PDE1C: variants seen among roughly 807,000 people sequenced by gnomAD.
The protein encoded by PDE1C is phosphodiesterase 1C, also known as dual specificity calcium/calmodulin-dependent 3',5'-cyclic nucleotide phosphodiesterase 1C.
In PDE1C, 62 loss-of-function variants were observed where a neutral mutation model predicts 93.1. The ratio of observed to expected loss-of-function variants is 0.67; its 90% confidence interval spans 0.54 to 0.82. PDE1C has a LOEUF of 0.82. PDE1C is among the 40% of genes least tolerant of loss of function. PDE1C has a pLI of 0.00. For synonymous variants in PDE1C, 325 were observed against 310.1 expected, an observed-to-expected ratio of 1.05 and a Z score of -0.50; for missense variants, 742 against 884.6, an observed-to-expected ratio of 0.84 and a Z score of 2.04.
chr7:31,898,018 CTTTGTGTGTG>C (rs1432728453), intron 2 of PDE1C, among the ~76,000 whole-genome samples: 2 of 122,914 alleles, frequency 1.6e-5, no homozygotes, highest in Admixed American at 1.7e-4. Flanking sequence ...GGTTTGGTTT[CTTTGTGTGTG>C]TGTGTGTGTG....
At chr7:31,642,597 C>T in the PDE1C span, 3 of 1,232,848 alleles carry the variant, frequency 2.4e-6, no homozygotes, top group Non-Finnish European at 3.4e-6. Flanking sequence ...ACTCCTAAGG[C>T]AATGACAAGA....
chr7:32,128,964 TA>T (rs1383099629), intron 3 of PDE1C, among the ~76,000 whole-genome samples: 2 of 97,276 alleles, frequency 2.1e-5, no homozygotes, highest in African/African-American at 7.7e-5. Flanking sequence ...AAGAAAAATC[TA>T]AAAAAAACAG....
At chr7:32,175,820 T>C (rs868474347) in intron 2 of PDE1C, among the ~76,000 whole-genome samples, 1 of 152,232 alleles carries the variant, frequency 6.6e-6, no homozygotes, top group Non-Finnish European at 1.5e-5. Context: ...TACTTTACAA[T>C]ACTGTAAATT....
chr7:31,640,688 C>T, the PDE1C span, among the ~76,000 whole-genome samples: 2 of 149,704 alleles, frequency 1.3e-5, no homozygotes, highest in Non-Finnish European at 3.0e-5. Context: ...TCAGTTGGTT[C>T]GGGTAGGAGG....
chr7:31,896,745 A>G (rs1035590643), intron 2 of PDE1C, among the ~76,000 whole-genome samples: 2 of 152,236 alleles, frequency 1.3e-5, no homozygotes, highest in African/African-American at 4.8e-5. Flanking sequence ...CAGAGTGTGA[A>G]ATGGCATAAC....
At chr7:32,169,993 T>C (rs558657458) in intron 2 of PDE1C, 41 of 1,584,074 alleles carry the variant, frequency 2.6e-5, no homozygotes, top group Admixed American at 1.7e-4. Context: ...AGGTGAATCA[T>C]CCACCAGTTG....
chr7:31,959,137 T>C (rs1808547744), intron 2 of PDE1C, among the ~76,000 whole-genome samples: 1 of 152,202 alleles, frequency 6.6e-6, no homozygotes, highest in African/African-American at 2.4e-5. Context: ...GTAATAATTG[T>C]TTACAAAAAA....
At chr7:31,895,583 TCTCTCTC>T (rs1799195452) in intron 2 of PDE1C, among the ~76,000 whole-genome samples, 1 of 93,288 alleles carries the variant, frequency 1.1e-5, no homozygotes, top group African/African-American at 4.0e-5. Context: ...CTCTCTTTTC[TCTCTCTC>T]TCTCTCTCTC....
At chr7:31,985,973 C>T (rs1401813697) in intron 2 of PDE1C, among the ~76,000 whole-genome samples, 1 of 152,178 alleles carries the variant, frequency 6.6e-6, no homozygotes, top group African/African-American at 2.4e-5. Context: ...GGCCAACTCC[C>T]CTCACAGTTA....
chr7:31,886,834 T>A (rs1444517616), intron 2 of PDE1C, among the ~76,000 whole-genome samples: 45 of 151,910 alleles, frequency 3.0e-4, no homozygotes, highest in Non-Finnish European at 7.4e-5. Flanking sequence ...CTTTTCAGAA[T>A]AGATCTTTTC....
chr7:32,092,129 G>C (rs1584747031), intron 3 of PDE1C, among the ~76,000 whole-genome samples: 1 of 151,638 alleles, frequency 6.6e-6, no homozygotes, highest in Admixed American at 6.6e-5. Context: ...ACAATAAGAT[G>C]TTTTGCCATT....
In PDE1C at chr7:32,356,377, C is replaced by G. The variant is rs74538736; in HGVS notation, c.310+71445G>C. ...AATTACAATGATCTTGACTTGATGACAGTAAGAGAGAAATACTCGCTTAGT... is the reference window on the plus strand; with the variant it reads ...AATTACAATGATCTTGACTTGATGAGAGTAAGAGAGAAATACTCGCTTAGT... On this transcript the variant is annotated intron_variant, in intron 1 of 1. Transcript: ENST00000672256. Among the ~76,000 whole-genome samples, 1,242 of 152,244 alleles carry G rather than the reference C, an allele frequency of 8.2e-3. 16 individuals carry two copies. The highest frequency in any genetic ancestry group is 0.029 in the African/African-American group (1,187 of 41,538).
In PDE1C at chr7:32,362,884, C is replaced by A. The variant is rs1164265359; in HGVS notation, c.310+64938G>T. On this transcript the variant is annotated intron_variant, in intron 1 of 1. Transcript: ENST00000672256. ...TACAGTGTGGCTGGGTGGCACCTGG[C>A]AGTCAGGGGAAGACCCAAGTACACA... Among the ~76,000 whole-genome samples the A allele has an allele frequency of 2.0e-5, 3 of 152,348 alleles. No individual in the cohort carries two copies. In the East Asian group the frequency reaches 5.8e-4, roughly 29 times the overall value.
Position 32,189,272 on chromosome 7 carries a change from T to C in PDE1C, c.137-19316A>G, listed in dbSNP as rs1804074925. Among the ~76,000 whole-genome samples, 3 of 152,228 alleles carry C rather than the reference T, an allele frequency of 2.0e-5. No homozygotes were observed. The South Asian group carries it at 6.2e-4, about 31-fold the overall frequency. The stretch of plus-strand genomic sequence containing the variant: ...CAACAGCATTCATTTAGTAGACTAA[T>C]TAGAACAAAAGCTTATCTGTTAGCA... On this transcript the variant is annotated intron_variant, in intron 2 of 18. Transcript: ENST00000396193.
At chr7:31,763,912 C>T (rs988995443) in intron 17 of PDE1C, among the ~76,000 whole-genome samples, 3 of 151,500 alleles carry the variant, frequency 2.0e-5, no homozygotes, top group African/African-American at 7.3e-5. Flanking sequence ...GCAGAGAATA[C>T]ACCACTTTGA....
chr7:32,347,686 T>C (rs576695141), intron 1 of PDE1C, among the ~76,000 whole-genome samples: 1 of 152,318 alleles, frequency 6.6e-6, no homozygotes, highest in Non-Finnish European at 1.5e-5. Context: ...CAAAGAGCTA[T>C]GTGTGGTCTC....
chr7:31,690,970 A>G, the PDE1C span, among the ~76,000 whole-genome samples: 1 of 152,202 alleles, frequency 6.6e-6, no homozygotes. Context: ...AAATAGGTGC[A>G]TAAGACCATA....
chr7:32,322,803 C>T (rs62457538), intron 1 of PDE1C, among the ~76,000 whole-genome samples: 9,861 of 152,002 alleles, frequency 0.065, 430 homozygotes, highest in Non-Finnish European at 0.092. Flanking sequence ...TTAGTAAAGA[C>T]GGGGTTTCAG....
chr7:32,080,441 G>A (rs2128735826), intron 3 of PDE1C, among the ~76,000 whole-genome samples: 1 of 152,318 alleles, frequency 6.6e-6, no homozygotes, highest in South Asian at 2.1e-4. Flanking sequence ...GCAAACCTCA[G>A]ACATGGACAC....
Sources: allele counts gnomAD v4.1 joint callset (sites outside exome capture counted in the v4.1 genomes callset), GRCh38; gene constraint gnomAD v4.1.1; transcripts MANE v1.5; gene names NCBI Gene and HGNC (gene_info 2026-07-23, HGNC 2026-07-21).